Variants in CACNA1A observed in about 807,000 individuals in gnomAD.
The protein encoded by CACNA1A is voltage-dependent P/Q-type calcium channel subunit alpha-1A.
In CACNA1A, 57 loss-of-function variants were observed where a neutral mutation model predicts 262.4. That is an observed-to-expected ratio of 0.22 (90% confidence interval 0.18 to 0.27). The LOEUF (loss-of-function observed/expected upper bound fraction) is 0.27. Among genes scored for constraint, CACNA1A ranks in the 10% least tolerant of loss-of-function variants. The probability of loss-of-function intolerance (pLI) is 1.00; values close to 1 mark genes in which losing one functional copy is unlikely to be tolerated. For synonymous variants in CACNA1A, 1,431 were observed against 1,419.3 expected, an observed-to-expected ratio of 1.01 and a Z score of -0.18; for missense variants, 2,526 against 3,562.8, an observed-to-expected ratio of 0.71 and a Z score of 7.41.
intron 3 of CACNA1A, among the ~76,000 whole-genome samples, chr19:13,436,481 G>A (rs561601557): frequency 5.3e-5 from 8 of 152,276 alleles, no homozygotes; most frequent in African/African-American, 1.7e-4. Flanking sequence ...CATGAAGCCT[G>A]TATTATCAGC....
chr19:13,490,701 GAAAGAA>G (rs1980689176), intron 1 of CACNA1A, among the ~76,000 whole-genome samples: 2 of 14,978 alleles, frequency 1.3e-4, no homozygotes, highest in South Asian at 5.0e-3. Context: ...AGGAAAGAAA[GAAAGAA>G]AGAAAGAAAG....
chr19:13,212,887 A>G lies in CACNA1A; in HGVS notation c.5941-147T>C. ...CATCCATCTAGACCCTTCCAATTCC[A>G]CGCAGAACTGGACCACTTCTCACTC... On this transcript the variant is annotated intron_variant, in intron 40 of 46. Coordinates refer to ENST00000360228, the MANE Select transcript of CACNA1A (RefSeq NM_001127222.2). This position sits in a 1 kb window ranked among gnomAD's most constrained non-coding sequence, Gnocchi z 5.6. 2.2e-6 allele frequency: 1 copy of G among 459,644 alleles called. No individual in the cohort carries two copies. Among genetic ancestry groups the G allele is most frequent in the Non-Finnish European group, 3.8e-6 (1 of 261,692 alleles). 28.5% of individuals were successfully genotyped at this position (459,644 alleles called of 1,614,324 possible).
intron 10 of CACNA1A, among the ~76,000 whole-genome samples, chr19:13,329,632 G>C (rs571135378): frequency 1.3e-5 from 2 of 151,648 alleles, no homozygotes; most frequent in African/African-American, 4.8e-5. Flanking sequence ...GGAACTACAG[G>C]CTAATTTTTT....
intron 1 of CACNA1A, among the ~76,000 whole-genome samples, chr19:13,455,586 A>G (rs576465227): frequency 1.8e-4 from 28 of 152,192 alleles, no homozygotes; most frequent in Non-Finnish European, 3.8e-4. Flanking sequence ...AGATGACTAC[A>G]TCATGTATAC....
At chr19:13,502,100 GCTCCCATGT>G (rs1190171019) in intron 1 of CACNA1A, among the ~76,000 whole-genome samples, 1 of 148,338 alleles carries the variant, frequency 6.7e-6, no homozygotes, top group Non-Finnish European at 1.5e-5. Context: ...CTGATAACCT[GCTCCCATGT>G]CTCCCAGCGC....
At chr19:13,492,688 C>T (rs1019086225) in intron 1 of CACNA1A, among the ~76,000 whole-genome samples, 9 of 151,702 alleles carry the variant, frequency 5.9e-5, no homozygotes, top group Non-Finnish European at 1.0e-4. Flanking sequence ...TTAGGTATAT[C>T]GGGGGGAAAA....
chr19:13,305,351 T>C (rs967502938), intron 15 of CACNA1A, among the ~76,000 whole-genome samples: 24 of 152,134 alleles, frequency 1.6e-4, no homozygotes, highest in Non-Finnish European at 4.4e-5. Context: ...GGCAAAGGAT[T>C]AGGTGTTGAC....
At chr19:13,494,679 G>A (rs1212099965) in intron 1 of CACNA1A, among the ~76,000 whole-genome samples, 2 of 152,158 alleles carry the variant, frequency 1.3e-5, no homozygotes, top group African/African-American at 2.4e-5. Context: ...GTTCTGCATG[G>A]CTGGGGACGC....
chr19:13,244,500 T>C, intron 31 of CACNA1A: 1 of 152,176 alleles, frequency 6.6e-6, no homozygotes, highest in Non-Finnish European at 1.5e-5. Context: ...TCTTCTACCC[T>C]CCCCCCAATC....
intron 3 of CACNA1A, among the ~76,000 whole-genome samples, chr19:13,426,528 A>T (rs2060406399): frequency 6.6e-6 from 1 of 152,164 alleles, no homozygotes; most frequent in African/African-American, 2.4e-5. Context: ...CAATTGTGCC[A>T]AGGTTGAGAA....
chr19:13,388,674 C>A (rs1313976662), intron 3 of CACNA1A, among the ~76,000 whole-genome samples: 1 of 152,102 alleles, frequency 6.6e-6, no homozygotes, highest in Non-Finnish European at 1.5e-5. Flanking sequence ...CTTGTTTATA[C>A]CTTCATTCAT....
chr19:13,461,206 G>A (rs1355449960), intron 1 of CACNA1A, among the ~76,000 whole-genome samples: 1 of 152,118 alleles, frequency 6.6e-6, no homozygotes, highest in Non-Finnish European at 1.5e-5. Flanking sequence ...TGGGCATAGT[G>A]GCAGACGCCT....
At chr19:13,475,826 G>A (rs1978462447) in intron 1 of CACNA1A, among the ~76,000 whole-genome samples, 1 of 152,114 alleles carries the variant, frequency 6.6e-6, no homozygotes, top group African/African-American at 2.4e-5. Context: ...AGAAATAAAA[G>A]GAGCCAGAAA....
chr19:13,209,147 GAGGGGGT>G, intron 45 of CACNA1A, 138 bp from the exon 46 acceptor site: 1 of 1,367,634 alleles, frequency 7.3e-7, no homozygotes, highest in Non-Finnish European at 9.9e-7. Flanking sequence ...GGGTTGGGGG[GAGGGGGT>G]AGTACCCAGG....
chr19:13,347,184 A>G (rs1853486974), intron 6 of CACNA1A, among the ~76,000 whole-genome samples: 1 of 150,194 alleles, frequency 6.7e-6, no homozygotes, highest in Non-Finnish European at 1.5e-5. Context: ...TCAGCCTCTC[A>G]AGTAGCTGGG....
At chr19:13,222,209 T>C (rs1420434951) in intron 38 of CACNA1A, among the ~76,000 whole-genome samples, 1 of 151,712 alleles carries the variant, frequency 6.6e-6, no homozygotes, top group Admixed American at 6.6e-5. Context: ...ACCCGGCTAA[T>C]TTTTGTATTT....
rs940692741 is a variant in CACNA1A, at chr19:13,206,735, C to T, written c.*578G>A. ...CAGTAATAGTAGGGTTTGGTATAAC[C>T]GGCAAGCACTCTTGTGTGTGTCTGA... On this transcript the variant is annotated 3_prime_UTR_variant, in exon 47 of 47. Coordinates refer to ENST00000360228, the MANE Select transcript of CACNA1A (RefSeq NM_001127222.2). 1 of 153,832 alleles carries T rather than the reference C, an allele frequency of 6.5e-6. No homozygotes were observed. The highest frequency in any genetic ancestry group is 1.5e-5 in the Non-Finnish European group (1 of 68,154). 9.5% of individuals were successfully genotyped at this position (153,832 alleles called of 1,614,324 possible). A position where few individuals can be genotyped will look rare whatever the true frequency, so the allele number is the denominator to read the frequency against.
intron 1 of CACNA1A, among the ~76,000 whole-genome samples, chr19:13,487,215 C>A (rs1980120131): frequency 6.6e-6 from 1 of 152,188 alleles, no homozygotes; most frequent in Admixed American, 6.5e-5. Flanking sequence ...GAGATGAAAC[C>A]TCTCATTTGT....
intron 10 of CACNA1A, among the ~76,000 whole-genome samples, chr19:13,320,254 G>GAGAGAC (rs1568531204): frequency 6.6e-6 from 1 of 151,730 alleles, no homozygotes; most frequent in African/African-American, 2.4e-5. Context: ...GAGAGAGAGA[G>GAGAGAC]AGAGAGAGAG....
Sources: allele counts gnomAD v4.1 joint callset (sites outside exome capture counted in the v4.1 genomes callset), GRCh38; gene constraint gnomAD v4.1.1; non-coding constraint Gnocchi (gnomAD v3.1); transcripts MANE v1.5; gene names NCBI Gene and HGNC (gene_info 2026-07-23, HGNC 2026-07-21).